Variants in IRX2 observed in about 807,000 individuals in gnomAD.
IRX2 encodes iroquois-class homeodomain protein IRX-2.
A neutral mutation model predicts 42.9 loss-of-function variants in IRX2; 26 were observed. That is an observed-to-expected ratio of 0.61 (90% CI 0.44 to 0.84). The LOEUF is 0.84. Among genes scored for constraint, IRX2 ranks in the 40% least tolerant of loss-of-function variants. The pLI, the probability that IRX2 is intolerant of heterozygous loss-of-function variation, is 0.00. For synonymous variants in IRX2, 424 were observed against 353.9 expected (o/e 1.20, Z -2.22); for missense variants, 782 against 713.9 (o/e 1.10, Z -1.09).
At chr5:2,739,153 C>A in the IRX2 span, among the ~76,000 whole-genome samples, 2 of 152,246 alleles carry the variant, frequency 1.3e-5, no homozygotes, top group Admixed American at 6.5e-5. Flanking sequence ...CGCATAAGCT[C>A]CCTGAAGAAG....
At chr5:2,736,794 C>T in the IRX2 span, 15 of 152,314 alleles carry the variant, frequency 9.8e-5, no homozygotes, top group Admixed American at 3.3e-4. Flanking sequence ...GAATGCCAGA[C>T]GTACATAAGA....
chr5:2,749,534 G>C lies in IRX2; in HGVS notation c.503C>G (p.Ala168Gly). The C allele has an allele frequency of 6.2e-7, 1 of 1,614,216 alleles. No individual in the cohort carries two copies. Among genetic ancestry groups the C allele is most frequent in the Non-Finnish European group, 8.5e-7 (1 of 1,180,040 alleles). The change falls in exon 2 of 4, where the codon GCG (alanine) becomes GGG (glycine). Residue 168 changes from alanine (A) to glycine (G), a missense_variant. Transcript: ENST00000302057. Reference protein sequence around the residue: ...LTQVSTWFANARRRLKKENKM... With the variant: ...LTQVSTWFANGRRRLKKENKM... ...GTTCTCCTTCTTGAGGCGCCGGCGCGCGTTGGCGAACCAGGTGGAGACCTG... is the reference window on the plus strand; with the variant it reads ...GTTCTCCTTCTTGAGGCGCCGGCGCCCGTTGGCGAACCAGGTGGAGACCTG...
rs1252347912 is a variant in IRX2 at position 2,748,339 on chromosome 5, G to A, written c.1363+6C>T. 3.5e-6 allele frequency: 5 copies of A among 1,414,994 alleles called. No individual in the cohort carries two copies. The highest frequency in any genetic ancestry group is 1.5e-5 in the South Asian group (1 of 66,064). The allele number at this position is 1,414,994 out of a possible 1,614,324, so 87.7% of individuals were successfully genotyped here. On this transcript the variant is annotated splice_donor_region_variant and intron_variant, in intron 3 of 3. Coordinates refer to ENST00000302057, the MANE Select transcript of IRX2 (RefSeq NM_033267.5). Reference sequence around the variant, plus strand: ...TCCCGGGCGCCGCCGGCCGCGGGCCGCCTACCTTTCTTGGGCTCGTAGCCG... The same window carrying A: ...TCCCGGGCGCCGCCGGCCGCGGGCCACCTACCTTTCTTGGGCTCGTAGCCG...
chr5:2,749,305 G>T (rs1737833492), intron 2 of IRX2, 77 bp downstream of exon 2: 2 of 1,514,004 alleles, frequency 1.3e-6, no homozygotes, highest in Non-Finnish European at 1.8e-6. Flanking sequence ...GGCGGGCAAC[G>T]TCCTCCCCGC....
chr5:2,743,114 C>CA (rs1290513466), downstream of IRX2, among the ~76,000 whole-genome samples: 2 of 152,196 alleles, frequency 1.3e-5, no homozygotes, highest in African/African-American at 4.8e-5. Context: ...GAATGAGATC[C>CA]GCGGCGGCCC....
chr5:2,744,239 T>C (rs1019976218), downstream of IRX2, among the ~76,000 whole-genome samples: 3 of 152,166 alleles, frequency 2.0e-5, no homozygotes, highest in Non-Finnish European at 2.9e-5. Context: ...TGGCTTAGCT[T>C]TTCTACTCTC....
Position 2,749,027 on chromosome 5 carries a change from G to A in IRX2, c.681C>T (p.Leu227=), listed in dbSNP as rs148650231. 15 of 1,597,086 alleles carry A rather than the reference G, an allele frequency of 9.4e-6. No homozygotes were observed. The African/African-American group carries it at 1.9e-4, about 20-fold the overall frequency. ...ACTCGGCCGAGCACGAGTGATCCGT[G>A]AGCGAGTCCACGTGCAGGCTGATCC... is the stretch of plus-strand genomic sequence containing the variant. The part of the protein sequence containing the change: ...DEGISLHVDS[L]TDHSCSAESD... Residue 227 remains leucine (L), a synonymous_variant, in exon 3 of 4, where the codon CTC becomes CTT. Coordinates refer to ENST00000302057, the MANE Select transcript of IRX2 (RefSeq NM_033267.5).
Position 2,749,064 on chromosome 5 carries a change from C to G in IRX2, c.656-12G>C. 6.3e-7 allele frequency: 1 copy of G among 1,594,432 alleles called. No homozygotes were observed. The highest frequency in any genetic ancestry group is 8.5e-7 in the Non-Finnish European group (1 of 1,178,250). On this transcript the variant is annotated splice_polypyrimidine_tract_variant and intron_variant, in intron 2 of 3. Transcript: ENST00000302057. Reference sequence around the variant, plus strand: ...GTGCAGGCTGATCCCTGTGGGGGCGCGGGCACGGTGGGTGGCACGAGGGGA... The same window carrying G: ...GTGCAGGCTGATCCCTGTGGGGGCGGGGGCACGGTGGGTGGCACGAGGGGA...
At chr5:2,740,785 C>T in the IRX2 span, among the ~76,000 whole-genome samples, 1 of 151,906 alleles carries the variant, frequency 6.6e-6, no homozygotes, top group Non-Finnish European at 1.5e-5. Context: ...GCCTCCAGCT[C>T]CCGCACCTTC....
chr5:2,750,226 A>G (rs1737889694), intron 1 of IRX2, among the ~76,000 whole-genome samples: 1 of 152,110 alleles, frequency 6.6e-6, no homozygotes, highest in Non-Finnish European at 1.5e-5. Context: ...TTCACTATTC[A>G]CTGCTCTAAA....
At chr5:2,742,453 C>T (rs953177149), downstream of IRX2, among the ~76,000 whole-genome samples, 2 of 152,114 alleles carry the variant, frequency 1.3e-5, no homozygotes, top group Admixed American at 1.3e-4. Flanking sequence ...GACATGTCCC[C>T]CTTGCGATTT....
downstream of IRX2, among the ~76,000 whole-genome samples, chr5:2,745,080 C>T (rs575174891): frequency 9.2e-5 from 14 of 152,316 alleles, no homozygotes; most frequent in African/African-American, 2.9e-4. Context: ...ATTGGCCTAT[C>T]GGAGCTGGCA....
the IRX2 span, among the ~76,000 whole-genome samples, chr5:2,737,479 C>T: frequency 5.9e-5 from 9 of 152,210 alleles, no homozygotes; most frequent in South Asian, 2.1e-4. Context: ...GAGCCTGCTA[C>T]GTGGGGCCCG....
At chr5:2,743,378 C>G (rs1457965616), downstream of IRX2, among the ~76,000 whole-genome samples, 1 of 152,190 alleles carries the variant, frequency 6.6e-6, no homozygotes, top group African/African-American at 2.4e-5. Context: ...GCGCCCGCGC[C>G]GGCCGCCGGG....
chr5:2,746,190 T>C lies in IRX2; in HGVS notation c.*1374A>G, dbSNP rs1263012118. ...TTATTGTAGACTAGTCTGTTTTTAT[T>C]TACAATTTAAGATATAAATTAGTAA... is the stretch of plus-strand genomic sequence containing the variant. On this transcript the variant is annotated 3_prime_UTR_variant, in exon 4 of 4. Coordinates refer to ENST00000302057, the MANE Select transcript of IRX2 (RefSeq NM_033267.5). 1 of 152,172 alleles carries C rather than the reference T, an allele frequency of 6.6e-6. No individual in the cohort carries two copies. The highest frequency in any genetic ancestry group is 1.5e-5 in the Non-Finnish European group (1 of 68,026). The allele number at this position is 152,172 out of a possible 1,614,324, so 9.4% of individuals were successfully genotyped here.
downstream of IRX2, among the ~76,000 whole-genome samples, chr5:2,742,955 G>A (rs1462236883): frequency 6.6e-6 from 1 of 152,194 alleles, no homozygotes. Context: ...ATCCGAAAAC[G>A]CGCACGGGCT....
chr5:2,740,832 C>T, the IRX2 span, among the ~76,000 whole-genome samples: 3 of 152,198 alleles, frequency 2.0e-5, no homozygotes, highest in South Asian at 6.2e-4. Context: ...GCGACAGCGG[C>T]GACAGTGCAC....
chr5:2,748,756 G>C lies in IRX2; in HGVS notation c.952C>G (p.Pro318Ala). The C allele has an allele frequency of 7.3e-7, 1 of 1,363,568 alleles. No individual in the cohort carries two copies. Among genetic ancestry groups the C allele is most frequent in the Non-Finnish European group, 9.4e-7 (1 of 1,066,660 alleles). 84.5% of individuals were successfully genotyped at this position (1,363,568 alleles called of 1,614,324 possible). ...TTGCTGGCGGGGGGCGGCGCGCCCG[G>C]AGACGTCCGGCTGCCCTGGGGCGTC... ...RKTPQGSRTSPGAPPPASKPK... is the reference protein window; with the variant it reads ...RKTPQGSRTSAGAPPPASKPK... The change falls in exon 3 of 4, where the codon CCG (proline) becomes GCG (alanine). Residue 318 changes from proline to alanine, a missense_variant. By Grantham distance (27) the Pro-to-Ala change is conservative. Transcript: ENST00000302057.
At position 2,748,395 on chromosome 5, in the gene IRX2, G is replaced by A. The variant is rs571586871; in HGVS notation, c.1313C>T (p.Pro438Leu). 8.8e-5 allele frequency: 131 copies of A among 1,483,066 alleles called. No homozygotes were observed. The highest frequency in any genetic ancestry group is 1.1e-4 in the Non-Finnish European group (122 of 1,121,906). The allele number at this position is 1,483,066 out of a possible 1,614,324, so 91.9% of individuals were successfully genotyped here. The change falls in exon 3 of 4, where the codon CCG (proline) becomes CTG (leucine). Residue 438 changes from proline to leucine, a missense_variant. Around this residue, in one of 3 missense-constraint regions of IRX2, gnomAD observed 520 missense variants for 437.8 expected, o/e 1.19. Coordinates refer to ENST00000302057, the MANE Select transcript of IRX2 (RefSeq NM_033267.5). ...ASDAGKAGAH[P>L]LESHYRSPGG... Reference sequence around the variant, plus strand: ...CGGGGACCGGTAGTGGGACTCGAGCGGGTGCGCGCCCGCCTTGCCCGCGTC... The same window carrying A: ...CGGGGACCGGTAGTGGGACTCGAGCAGGTGCGCGCCCGCCTTGCCCGCGTC...
Sources: gnomAD v4.1 joint callset for allele counts (sites outside exome capture counted in the v4.1 genomes callset) on GRCh38, gnomAD v4.1.1 for gene constraint, gnomAD v4.1.1 regional missense constraint, MANE v1.5 for transcripts, NCBI Gene and HGNC (gene_info 2026-07-23, HGNC 2026-07-21) for gene names.